Variants in FAR2 observed in about 807,000 individuals in gnomAD.
The protein encoded by FAR2 is epididymis secretory protein Li 81.
Under a neutral mutation model 56.0 loss-of-function variants are expected in FAR2, and 19 were observed. That is an observed-to-expected ratio of 0.34 (90% CI 0.24 to 0.50). The LOEUF is 0.50. Ranked by LOEUF, FAR2 falls within the 20% of genes least tolerant of loss-of-function variation. The pLI is 0.98. For missense variants in FAR2, 508 were observed against 642.2 expected, an observed-to-expected ratio of 0.79 and a Z score of 2.26; for synonymous variants, 219 against 218.8, an observed-to-expected ratio of 1.00 and a Z score of -0.01.
intron 1 of FAR2, among the ~76,000 whole-genome samples, chr12:29,164,798 G>C (rs994961886): frequency 4.6e-5 from 7 of 152,148 alleles, no homozygotes; most frequent in Admixed American, 3.9e-4. Context: ...GATGCAGAGA[G>C]ATGTTAAAGA....
chr12:29,211,808 C>T (rs1013827689), intron 1 of FAR2, among the ~76,000 whole-genome samples: 1 of 151,052 alleles, frequency 6.6e-6, no homozygotes, highest in Non-Finnish European at 1.5e-5. Context: ...TTGGAAATAA[C>T]TGTTGTCACA....
At chr12:29,173,492 A>G (rs1300248259) in intron 1 of FAR2, among the ~76,000 whole-genome samples, 1 of 152,146 alleles carries the variant, frequency 6.6e-6, no homozygotes, top group Non-Finnish European at 1.5e-5. Context: ...CACTCCATTT[A>G]CCTTCCCTCT....
chr12:29,221,365 C>A (rs776663546), intron 1 of FAR2, among the ~76,000 whole-genome samples: 1 of 152,148 alleles, frequency 6.6e-6, no homozygotes, highest in Non-Finnish European at 1.5e-5. Flanking sequence ...GGCGGGGAGC[C>A]TTTTCCCACC....
intron 1 of FAR2, among the ~76,000 whole-genome samples, chr12:29,221,424 C>T (rs1019526674): frequency 1.8e-4 from 28 of 152,150 alleles, no homozygotes; most frequent in African/African-American, 6.8e-4. Flanking sequence ...TCTTCCCTGT[C>T]TCCCAGTTAG....
intron 1 of FAR2, among the ~76,000 whole-genome samples, chr12:29,179,471 A>G (rs1949972265): frequency 6.6e-6 from 1 of 152,212 alleles, no homozygotes; most frequent in Admixed American, 6.5e-5. Context: ...ACAACAAAGC[A>G]ACAAGCCAGG....
chr12:29,252,946 G>A (rs995695114), intron 1 of FAR2, among the ~76,000 whole-genome samples: 8 of 152,112 alleles, frequency 5.3e-5, no homozygotes, highest in African/African-American at 1.2e-4. Flanking sequence ...AGTGAAGCAG[G>A]TTACCCTTCA....
At chr12:29,286,818 A>C (rs1948883894) in intron 2 of FAR2, among the ~76,000 whole-genome samples, 1 of 152,186 alleles carries the variant, frequency 6.6e-6, no homozygotes, top group Non-Finnish European at 1.5e-5. Flanking sequence ...AATTGTCTTT[A>C]AGAACAGCAA....
At chr12:29,301,072 T>G (rs933082607) in intron 4 of FAR2, among the ~76,000 whole-genome samples, 1 of 152,222 alleles carries the variant, frequency 6.6e-6, no homozygotes. Context: ...CTGTCAGGCC[T>G]GAGCTCCCTT....
rs150882929 is a variant in FAR2, at chr12:29,325,505, A to T, written c.1257+3581A>T. 5.9e-3 allele frequency among the ~76,000 whole-genome samples: 904 copies of T among 152,244 alleles called. 4 individuals carry two copies. The highest frequency in any genetic ancestry group is 0.027 in the Middle Eastern group (8 of 294). ...AATTGACCACATAGTTGGAAGTAAA[A>T]CACTCCTCAGCAAATGTAAAAGAAC... On this transcript the variant is annotated intron_variant, in intron 10 of 11. Coordinates refer to ENST00000536681, the MANE Select transcript of FAR2 (RefSeq NM_001271783.2).
intron 1 of FAR2, among the ~76,000 whole-genome samples, chr12:29,174,851 G>A (rs1949921624): frequency 6.6e-6 from 1 of 152,208 alleles, no homozygotes; most frequent in African/African-American, 2.4e-5. Context: ...CTTGGGCGAT[G>A]TGACTTTGAG....
At chr12:29,275,398 G>C (rs1225076222) in intron 2 of FAR2, among the ~76,000 whole-genome samples, 1 of 152,126 alleles carries the variant, frequency 6.6e-6, no homozygotes, top group Non-Finnish European at 1.5e-5. Context: ...GGCAGGAACC[G>C]GCCATCTGGA....
At chr12:29,212,772 A>G (rs903869618) in intron 1 of FAR2, among the ~76,000 whole-genome samples, 4 of 152,170 alleles carry the variant, frequency 2.6e-5, no homozygotes, top group African/African-American at 9.7e-5. Context: ...CATAATTATA[A>G]CCAGTTGCTA....
At chr12:29,203,834 C>G (rs1416679878) in intron 1 of FAR2, among the ~76,000 whole-genome samples, 5 of 151,532 alleles carry the variant, frequency 3.3e-5, no homozygotes, top group African/African-American at 4.8e-5. Flanking sequence ...CCCGTCTCTA[C>G]TAAAAATACA....
intron 1 of FAR2, among the ~76,000 whole-genome samples, chr12:29,211,621 A>G (rs1457218163): frequency 6.6e-6 from 1 of 152,076 alleles, no homozygotes. Flanking sequence ...CCTTTAAGTT[A>G]CTGAGCTGCA....
chr12:29,250,605 T>C (rs1254264390), intron 1 of FAR2, among the ~76,000 whole-genome samples: 1 of 152,196 alleles, frequency 6.6e-6, no homozygotes, highest in African/African-American at 2.4e-5. Flanking sequence ...ATTTCAGTAA[T>C]GAACAGTTTA....
intron 11 of FAR2, 93 bp from the exon 12 acceptor site, chr12:29,333,539 C>A: frequency 1.7e-6 from 2 of 1,173,782 alleles, no homozygotes; most frequent in South Asian, 1.5e-5. Context: ...TAAATACTTG[C>A]CAGTCATATC....
At chr12:29,213,708 A>G (rs575532693) in intron 1 of FAR2, among the ~76,000 whole-genome samples, 1 of 145,966 alleles carries the variant, frequency 6.9e-6, no homozygotes, top group African/African-American at 2.5e-5. Context: ...AAAAAAAAAG[A>G]TTAAGTCTAT....
chr12:29,298,461 C>G (rs1338970274), intron 4 of FAR2, among the ~76,000 whole-genome samples: 1 of 152,022 alleles, frequency 6.6e-6, no homozygotes, highest in Non-Finnish European at 1.5e-5. Context: ...TCAGGGCAAA[C>G]ATTTTTATCT....
At chr12:29,216,338 G>A (rs897637907) in intron 1 of FAR2, among the ~76,000 whole-genome samples, 1 of 152,242 alleles carries the variant, frequency 6.6e-6, no homozygotes, top group South Asian at 2.1e-4. Context: ...ATACTGTTAT[G>A]TTTTTATGTT....
Sources: gnomAD v4.1 joint callset for allele counts (sites outside exome capture counted in the v4.1 genomes callset) on GRCh38, gnomAD v4.1.1 for gene constraint, MANE v1.5 for transcripts, NCBI Gene and HGNC (gene_info 2026-07-23, HGNC 2026-07-21) for gene names.